FBXL7: variants seen among roughly 807,000 people sequenced by gnomAD.
The protein encoded by FBXL7 is F-box/LRR-repeat protein 7.
FBXL7 carries 12 observed loss-of-function variants against 38.3 expected under a neutral mutation model. The observed-to-expected ratio is 0.31, with a 90% CI of 0.20 to 0.51. The LOEUF (loss-of-function observed/expected upper bound fraction) is 0.51. Ranked by LOEUF, FBXL7 falls within the 20% of genes least tolerant of loss-of-function variation. FBXL7 has a pLI of 0.98. For synonymous variants in FBXL7, 297 were observed against 300.9 expected (o/e 0.99, Z 0.13); for missense variants, 567 against 676.4 (o/e 0.84, Z 1.79).
At chr5:15,528,792 T>A (rs532223328) in intron 1 of FBXL7, among the ~76,000 whole-genome samples, 386 of 152,090 alleles carry the variant, frequency 2.5e-3, no homozygotes, top group Non-Finnish European at 3.5e-3. Context: ...CCGGTTTTTT[T>A]AAAAATTATT....
intron 2 of FBXL7, among the ~76,000 whole-genome samples, chr5:15,830,840 C>T (rs1738438186): frequency 6.6e-6 from 1 of 152,054 alleles, no homozygotes; most frequent in South Asian, 2.1e-4. Flanking sequence ...GCACCCAGTC[C>T]CAGCACTCAG....
intron 1 of FBXL7, among the ~76,000 whole-genome samples, chr5:15,611,257 T>A (rs1475667817): frequency 1.3e-5 from 2 of 151,976 alleles, no homozygotes; most frequent in Non-Finnish European, 2.9e-5. Context: ...TCTGCCTTCC[T>A]GTCTCAGCTC....
intron 2 of FBXL7, among the ~76,000 whole-genome samples, chr5:15,755,601 C>A (rs943507010): frequency 6.6e-6 from 1 of 152,108 alleles, no homozygotes; most frequent in Non-Finnish European, 1.5e-5. Flanking sequence ...GCAACAAAGC[C>A]GAGGAAGCCT....
At chr5:15,932,418 A>G (rs1742060717) in intron 3 of FBXL7, among the ~76,000 whole-genome samples, 1 of 152,196 alleles carries the variant, frequency 6.6e-6, no homozygotes, top group East Asian at 1.9e-4. Context: ...AATGAGAGGA[A>G]GTGGTAATAA....
intron 2 of FBXL7, among the ~76,000 whole-genome samples, chr5:15,759,062 G>A (rs1400710986): frequency 2.6e-5 from 4 of 152,252 alleles, no homozygotes; most frequent in Admixed American, 2.6e-4. Flanking sequence ...TAAAATAATC[G>A]TGGCCACACA....
intron 2 of FBXL7, among the ~76,000 whole-genome samples, chr5:15,843,309 C>T (rs1197544633): frequency 1.3e-5 from 2 of 152,158 alleles, no homozygotes; most frequent in Non-Finnish European, 2.9e-5. Flanking sequence ...AACCCTTTCA[C>T]CACAGCACAC....
At chr5:15,560,119 G>A (rs1357990764) in intron 1 of FBXL7, among the ~76,000 whole-genome samples, 2 of 152,108 alleles carry the variant, frequency 1.3e-5, no homozygotes, top group Non-Finnish European at 2.9e-5. Context: ...CTTTGTGAAT[G>A]CATAATGAAT....
intron 2 of FBXL7, among the ~76,000 whole-genome samples, chr5:15,775,248 T>G (rs967642150): frequency 3.9e-5 from 6 of 152,292 alleles, no homozygotes; most frequent in African/African-American, 1.4e-4. Flanking sequence ...GAAAAACATT[T>G]AGAGTTGGGT....
Position 15,860,999 on chromosome 5 carries a change from G to A in FBXL7, c.128-66891G>A, listed in dbSNP as rs191327199. 1.8e-3 allele frequency among the ~76,000 whole-genome samples: 277 copies of A among 152,270 alleles called. 1 individual carries two copies. Among genetic ancestry groups the A allele is most frequent in the Non-Finnish European group, 1.3e-3 (87 of 68,022 alleles). ...CTGCACCACACTTTTTGCTACCCTAGAATGTGCTTCAAGATAATATTTGCT... is the reference window on the plus strand; with the variant it reads ...CTGCACCACACTTTTTGCTACCCTAAAATGTGCTTCAAGATAATATTTGCT... On this transcript the variant is annotated intron_variant, in intron 2 of 3. Coordinates refer to ENST00000504595, the MANE Select transcript of FBXL7 (RefSeq NM_012304.5).
At chr5:15,664,463 C>CT (rs1742202299) in intron 2 of FBXL7, among the ~76,000 whole-genome samples, 1 of 132,154 alleles carries the variant, frequency 7.6e-6, no homozygotes, top group African/African-American at 2.8e-5. Flanking sequence ...CTCTTTTTTT[C>CT]TTTTCCTTTT....
intron 1 of FBXL7, among the ~76,000 whole-genome samples, chr5:15,611,603 C>G (rs528159034): frequency 6.6e-6 from 1 of 151,220 alleles, no homozygotes; most frequent in Admixed American, 6.6e-5. Context: ...TCTCAGGAAC[C>G]TAACTCTGTT....
intron 2 of FBXL7, among the ~76,000 whole-genome samples, chr5:15,869,813 T>A (rs548700274): frequency 1.3e-5 from 2 of 152,120 alleles, no homozygotes; most frequent in African/African-American, 4.8e-5. Flanking sequence ...TGGGGAATCA[T>A]CAAAATAATA....
rs1014749011 is a variant in FBXL7 at position 15,891,303 on chromosome 5, T to A, written c.128-36587T>A. ...TAGGGACAGTCAGGTTTTCAATGAT[T>A]TTATATCCCATCCTCTCCTTAAATT... On this transcript the variant is annotated intron_variant, in intron 2 of 3. Coordinates refer to ENST00000504595, the MANE Select transcript of FBXL7 (RefSeq NM_012304.5). Among the ~76,000 whole-genome samples, 3 of 152,200 alleles carry A rather than the reference T, an allele frequency of 2.0e-5. No homozygotes were observed. In the East Asian group the frequency reaches 5.8e-4, roughly 29 times the overall value.
chr5:15,668,360 A>G (rs1032986523), intron 2 of FBXL7, among the ~76,000 whole-genome samples: 25 of 140,286 alleles, frequency 1.8e-4, no homozygotes, highest in African/African-American at 6.6e-4. Flanking sequence ...ACTCCTTTAT[A>G]TTTGTGTTTG....
intron 3 of FBXL7, among the ~76,000 whole-genome samples, chr5:15,929,625 GAAAAAA>G (rs60269538): frequency 3.5e-5 from 4 of 113,546 alleles, no homozygotes; most frequent in African/African-American, 1.2e-4. Flanking sequence ...CCCTGTCTCT[GAAAAAA>G]AAAAAAAAAA....
intron 2 of FBXL7, among the ~76,000 whole-genome samples, chr5:15,758,970 T>C (rs1161766068): frequency 6.6e-6 from 1 of 152,324 alleles, no homozygotes; most frequent in East Asian, 1.9e-4. Context: ...AAAATACATG[T>C]CTTTAGAATA....
Position 15,928,622 on chromosome 5 carries a change from T to A in FBXL7, c.739+121T>A. 1.5e-6 allele frequency: 2 copies of A among 1,319,482 alleles called. No individual in the cohort carries two copies. Among genetic ancestry groups the A allele is most frequent in the Non-Finnish European group, 2.1e-6 (2 of 971,132 alleles). The allele number at this position is 1,319,482 out of a possible 1,614,324, so 81.7% of individuals were successfully genotyped here. ...AGCCATCAGAGATGGGGGCGGGTGG[T>A]AGGGAGGCTGGCTTTTGCAGAGAAA... On this transcript the variant is annotated intron_variant, in intron 3 of 3. Coordinates refer to ENST00000504595, the MANE Select transcript of FBXL7 (RefSeq NM_012304.5). This position sits in a 1 kb window ranked among gnomAD's most constrained non-coding sequence, Gnocchi z 4.0.
chr5:15,591,053 G>C (rs1739457006), intron 1 of FBXL7, among the ~76,000 whole-genome samples: 1 of 152,098 alleles, frequency 6.6e-6, no homozygotes, highest in Admixed American at 6.5e-5. Flanking sequence ...CATAAATTCA[G>C]GTCTGCATCT....
chr5:15,505,489 A>G (rs1215848187), intron 1 of FBXL7, among the ~76,000 whole-genome samples: 2 of 152,162 alleles, frequency 1.3e-5, no homozygotes, highest in African/African-American at 4.8e-5. Context: ...TAAACAGATG[A>G]AGGTCCTGTC....
Sources: allele counts gnomAD v4.1 joint callset (sites outside exome capture counted in the v4.1 genomes callset), GRCh38; gene constraint gnomAD v4.1.1; non-coding constraint Gnocchi (gnomAD v3.1); transcripts MANE v1.5; gene names NCBI Gene and HGNC (gene_info 2026-07-23, HGNC 2026-07-21).